The following GPR39 variants were observed in gnomAD, a reference collection of about 807,000 sequenced individuals.
The protein encoded by GPR39 is zinc sensing receptor.
A neutral mutation model predicts 18.4 loss-of-function variants in GPR39; 23 were observed. The observed-to-expected ratio is 1.25, with a 90% CI of 0.90 to 1.77. The LOEUF is 1.77. GPR39 is among the 40% of genes most tolerant of loss of function. The pLI, the probability that GPR39 is intolerant of heterozygous loss-of-function variation, is 0.00. For synonymous variants in GPR39, 280 were observed against 257.9 expected (o/e 1.09, Z -0.82); for missense variants, 647 against 602.4 (o/e 1.07, Z -0.78).
At chr2:132,525,388 T>C (rs137968718) in intron 1 of GPR39, among the ~76,000 whole-genome samples, 1 of 152,176 alleles carries the variant, frequency 6.6e-6, no homozygotes, top group Non-Finnish European at 1.5e-5. Flanking sequence ...GGGATGATCA[T>C]GCGAGGGATT....
chr2:132,438,899 T>C (rs1417603331), intron 1 of GPR39, among the ~76,000 whole-genome samples: 1 of 152,208 alleles, frequency 6.6e-6, no homozygotes, highest in Non-Finnish European at 1.5e-5. Flanking sequence ...GGAATTCCCC[T>C]GCTCTGCCAT....
chr2:132,435,225 T>C (rs1478354344), intron 1 of GPR39, among the ~76,000 whole-genome samples: 2 of 152,042 alleles, frequency 1.3e-5, no homozygotes, highest in Non-Finnish European at 2.9e-5. Context: ...TGTGCCTGCC[T>C]CTCCTGCTCC....
rs1367046916 is a variant in GPR39, at chr2:132,546,459, A to G, written c.857-98642A>G. Among the ~76,000 whole-genome samples the G allele has an allele frequency of 2.0e-5, 3 of 152,162 alleles. No homozygotes were observed. The East Asian group carries it at 5.8e-4, about 29-fold the overall frequency. ...GGTTGCTGGAAGGGGTTGGGTTAAG[A>G]CTAATCCTGAGACCGTAAGTTGTAG... On this transcript the variant is annotated intron_variant, in intron 1 of 1. Coordinates refer to ENST00000329321, the MANE Select transcript of GPR39 (RefSeq NM_001508.3).
intron 1 of GPR39, among the ~76,000 whole-genome samples, chr2:132,592,491 GAC>G (rs1399646588): frequency 1.3e-5 from 2 of 152,266 alleles, no homozygotes; most frequent in African/African-American, 4.8e-5. Flanking sequence ...GGCTGAGGGT[GAC>G]CAGGTCTTGG....
intron 1 of GPR39, among the ~76,000 whole-genome samples, chr2:132,580,596 G>A (rs1680606090): frequency 6.6e-6 from 1 of 152,150 alleles, no homozygotes; most frequent in Non-Finnish European, 1.5e-5. Context: ...TCCCAAGCCA[G>A]GTATTAGAAC....
chr2:132,609,228 G>A (rs924789786), intron 1 of GPR39, among the ~76,000 whole-genome samples: 4 of 152,314 alleles, frequency 2.6e-5, no homozygotes, highest in African/African-American at 9.6e-5. Flanking sequence ...GAAGAGGTAG[G>A]TTTCTTCTTC....
intron 1 of GPR39, among the ~76,000 whole-genome samples, chr2:132,559,461 G>A (rs1031409804): frequency 2.6e-5 from 4 of 152,064 alleles, no homozygotes; most frequent in Admixed American, 6.6e-5. Flanking sequence ...GGGAGCCCGA[G>A]TTTCATTCAG....
At chr2:132,630,456 G>T (rs1277518964) in intron 1 of GPR39, among the ~76,000 whole-genome samples, 2 of 152,210 alleles carry the variant, frequency 1.3e-5, no homozygotes, top group Admixed American at 1.3e-4. Flanking sequence ...AGCAAGGAAA[G>T]AAGGAAGTTC....
At chr2:132,589,389 T>C (rs1680789297) in intron 1 of GPR39, among the ~76,000 whole-genome samples, 1 of 152,240 alleles carries the variant, frequency 6.6e-6, no homozygotes, top group Non-Finnish European at 1.5e-5. Context: ...TCACGTTGAA[T>C]CAAATCATTT....
intron 1 of GPR39, among the ~76,000 whole-genome samples, chr2:132,459,610 C>T (rs980392549): frequency 6.6e-6 from 1 of 152,136 alleles, no homozygotes; most frequent in African/African-American, 2.4e-5. Context: ...ACTCTGTATC[C>T]TCTCTGCTAC....
At chr2:132,454,968 T>G (rs1680694688) in intron 1 of GPR39, among the ~76,000 whole-genome samples, 1 of 152,184 alleles carries the variant, frequency 6.6e-6, no homozygotes, top group South Asian at 2.1e-4. Context: ...TCTGCCAGCC[T>G]TTGGTATCAG....
At chr2:132,517,127 A>G (rs1258913108) in intron 1 of GPR39, among the ~76,000 whole-genome samples, 1 of 152,034 alleles carries the variant, frequency 6.6e-6, no homozygotes, top group Admixed American at 6.6e-5. Flanking sequence ...GTAAAAAGCA[A>G]AGTCACTCCG....
rs151118262 is a variant in GPR39 at position 132,645,123 on chromosome 2, C to T, written c.879C>T (p.Ala293=). ...IFLRLIVVTL[A]VCWMPNQIRR... is the part of the protein sequence containing the mutation. ...CAGGGCTGATTGTTGTGACATTGGC[C>T]GTATGCTGGATGCCCAACCAGATTC... Residue 293 remains alanine, a synonymous_variant, in exon 2 of 2, where the codon GCC becomes GCT. Transcript: ENST00000329321. 3.0e-5 allele frequency: 49 copies of T among 1,613,418 alleles called. No individual in the cohort carries two copies. The Admixed American group carries it at 4.2e-4, about 14-fold the overall frequency.
At chr2:132,439,188 C>T (rs34083505) in intron 1 of GPR39, among the ~76,000 whole-genome samples, 109 of 152,168 alleles carry the variant, frequency 7.2e-4, no homozygotes, top group Non-Finnish European at 1.3e-3. Flanking sequence ...CAGTTAAACT[C>T]GGAAAATCAC....
At position 132,432,299 on chromosome 2, in the gene GPR39, G is replaced by A. The variant is rs139070196; in HGVS notation, c.856+14401G>A. Among the ~76,000 whole-genome samples, 1,200 of 152,268 alleles carry A rather than the reference G, an allele frequency of 7.9e-3. 16 individuals carry two copies. Among genetic ancestry groups the A allele is most frequent in the African/African-American group, 0.028 (1,147 of 41,548 alleles). Reference sequence around the variant, plus strand: ...GTCCTCACATGGTGGAAGGGGCAAGGCAGCTCTCTGGGACCTCATTTATAA... The same window carrying A: ...GTCCTCACATGGTGGAAGGGGCAAGACAGCTCTCTGGGACCTCATTTATAA... On this transcript the variant is annotated intron_variant, in intron 1 of 1. Coordinates refer to ENST00000329321, the MANE Select transcript of GPR39 (RefSeq NM_001508.3).
intron 1 of GPR39, among the ~76,000 whole-genome samples, chr2:132,602,677 A>G (rs1315527833): frequency 1.3e-5 from 2 of 152,128 alleles, no homozygotes; most frequent in African/African-American, 4.8e-5. Flanking sequence ...AAAGAATTCA[A>G]ATAACTCAAA....
chr2:132,530,088 GA>G (rs1679586298), intron 1 of GPR39, among the ~76,000 whole-genome samples: 4 of 151,894 alleles, frequency 2.6e-5, no homozygotes, highest in Admixed American at 2.6e-4. Flanking sequence ...CAATGGCAAA[GA>G]AGTTAAAAAC....
chr2:132,600,533 C>T (rs1324241376), intron 1 of GPR39, among the ~76,000 whole-genome samples: 1 of 152,012 alleles, frequency 6.6e-6, no homozygotes, highest in Admixed American at 6.5e-5. Context: ...GACATTACAA[C>T]TAATATCACA....
chr2:132,507,397 G>T (rs960160564), intron 1 of GPR39, among the ~76,000 whole-genome samples: 6 of 152,196 alleles, frequency 3.9e-5, no homozygotes. Context: ...TTTCATTAGT[G>T]ATGGGTAACA....
Sources: allele counts gnomAD v4.1 joint callset (sites outside exome capture counted in the v4.1 genomes callset), GRCh38; gene constraint gnomAD v4.1.1; transcripts MANE v1.5; gene names NCBI Gene and HGNC (gene_info 2026-07-23, HGNC 2026-07-21).